Variants in MYO18B observed in about 807,000 individuals in gnomAD.
MYO18B encodes myosin XVIIIB, also known as unconventional myosin-XVIIIb.
Under a neutral mutation model 273.0 loss-of-function variants are expected in MYO18B, and 204 were observed. The observed-to-expected ratio is 0.75, with a 90% CI of 0.67 to 0.84. The LOEUF (loss-of-function observed/expected upper bound fraction) is 0.84. MYO18B is among the 40% of genes least tolerant of loss of function. MYO18B has a pLI of 0.00. For synonymous variants in MYO18B, 1,330 were observed against 1,305.7 expected (o/e 1.02, Z -0.40); for missense variants, 3,212 against 3,287.6 (o/e 0.98, Z 0.56).
intron 33 of MYO18B, among the ~76,000 whole-genome samples, chr22:25,913,158 ATATCGCTCAGAT>A (rs2092191872): frequency 6.6e-6 from 1 of 152,162 alleles, no homozygotes; most frequent in Admixed American, 6.5e-5. Flanking sequence ...GAATTATTAA[ATATCGCTCAGAT>A]TATTCCCCAA....
At chr22:25,770,833 C>T in intron 5 of MYO18B, 39 bp from the exon 6 acceptor site, 1 of 1,456,362 alleles carries the variant, frequency 6.9e-7, no homozygotes, top group Admixed American at 2.0e-5. Flanking sequence ...CCTCCCATCT[C>T]CTCCCCGTTC....
intron 12 of MYO18B, among the ~76,000 whole-genome samples, chr22:25,802,777 C>A (rs6004769): frequency 0.013 from 1,839 of 137,658 alleles, 54 homozygotes; most frequent in East Asian, 0.08. Flanking sequence ...AAAAAAAAAA[C>A]CCCTATAGCC....
intron 42 of MYO18B, among the ~76,000 whole-genome samples, chr22:26,020,440 T>G (rs529076105): frequency 1.2e-4 from 19 of 152,294 alleles, no homozygotes; most frequent in African/African-American, 4.6e-4. Context: ...CTGTTCACAG[T>G]AGGCTCATAC....
At chr22:25,875,639 CACCT>C (rs2091171065) in intron 23 of MYO18B, among the ~76,000 whole-genome samples, 1 of 152,216 alleles carries the variant, frequency 6.6e-6, no homozygotes, top group Non-Finnish European at 1.5e-5. Flanking sequence ...GCTGAATCAG[CACCT>C]TTGGGGGTGG....
At chr22:25,865,341 A>G (rs1023037586) in intron 21 of MYO18B, among the ~76,000 whole-genome samples, 1 of 152,228 alleles carries the variant, frequency 6.6e-6, no homozygotes, top group Non-Finnish European at 1.5e-5. Flanking sequence ...TCTCAGCTAC[A>G]TAGACATCTA....
chr22:25,819,374 G>A (rs1471734526), intron 12 of MYO18B, among the ~76,000 whole-genome samples: 1 of 152,210 alleles, frequency 6.6e-6, no homozygotes, highest in Non-Finnish European at 1.5e-5. Context: ...AGTGTTTAGA[G>A]AGCAGGCATG....
At chr22:25,817,579 T>G (rs1401277392) in intron 12 of MYO18B, among the ~76,000 whole-genome samples, 3 of 152,064 alleles carry the variant, frequency 2.0e-5, no homozygotes, top group African/African-American at 4.8e-5. Context: ...GGTGAGGCAG[T>G]TTGCCTGGGG....
chr22:25,859,374 G>A (rs576986397), intron 21 of MYO18B, among the ~76,000 whole-genome samples: 1 of 152,178 alleles, frequency 6.6e-6, no homozygotes, highest in South Asian at 2.1e-4. Context: ...CTTTTTTTGG[G>A]TGCATTCTTG....
chr22:25,984,457 G>T (rs900049403), intron 39 of MYO18B, among the ~76,000 whole-genome samples: 15 of 152,110 alleles, frequency 9.9e-5, no homozygotes, highest in African/African-American at 3.1e-4. Flanking sequence ...CTTCTTTGAG[G>T]ATTTGAATAC....
Position 25,781,716 on chromosome 22 carries a change from C to CCT in MYO18B, c.2212-15_2212-14dup. The CCT allele has an allele frequency of 6.7e-7, 1 of 1,498,668 alleles. No individual in the cohort carries two copies. Among genetic ancestry groups the CCT allele is most frequent in the South Asian group, 1.4e-5 (1 of 72,060 alleles). The allele number at this position is 1,498,668 out of a possible 1,614,324, so 92.8% of individuals were successfully genotyped here. A position where few individuals can be genotyped will look rare whatever the true frequency, so the allele number is the denominator to read the frequency against. ...GTACCCAAAGCACTGACTGGGTGCC[C>CCT]CTCTTCTCTCCCTGCAGACAATGCT... is the stretch of plus-strand genomic sequence containing the variant. On this transcript the variant is annotated splice_polypyrimidine_tract_variant and intron_variant, in intron 9 of 43. Transcript: ENST00000335473.
downstream of MYO18B, among the ~76,000 whole-genome samples, chr22:26,032,524 T>TTC (rs1172310042): frequency 1.3e-5 from 2 of 150,498 alleles, no homozygotes; most frequent in African/African-American, 4.9e-5. Context: ...CCTGTTTTTT[T>TTC]TTTTTTTTTT....
chr22:25,871,768 A>G (rs950868825), intron 22 of MYO18B, among the ~76,000 whole-genome samples: 2 of 152,154 alleles, frequency 1.3e-5, no homozygotes, highest in Non-Finnish European at 2.9e-5. Flanking sequence ...CTGGTCGGCA[A>G]TATGCTCTTA....
intron 20 of MYO18B, 105 bp downstream of exon 20, chr22:25,847,757 C>G: frequency 1.3e-6 from 1 of 780,354 alleles, no homozygotes; most frequent in Non-Finnish European, 2.1e-6. Flanking sequence ...CTAGGAGCTT[C>G]ACACCCAGCA....
At chr22:25,939,286 G>A (rs2092616344) in intron 34 of MYO18B, among the ~76,000 whole-genome samples, 1 of 152,240 alleles carries the variant, frequency 6.6e-6, no homozygotes, top group Non-Finnish European at 1.5e-5. Context: ...GGCTAGGACT[G>A]CCTTCAGGTT....
chr22:25,928,533 C>A (rs1033892771), intron 34 of MYO18B, among the ~76,000 whole-genome samples: 3 of 152,032 alleles, frequency 2.0e-5, no homozygotes, highest in African/African-American at 7.3e-5. Context: ...TGGGCAGGCA[C>A]CCCCTCTGTT....
intron 12 of MYO18B, among the ~76,000 whole-genome samples, chr22:25,802,417 T>TAACTC (rs2088243162): frequency 6.6e-6 from 1 of 152,070 alleles, no homozygotes; most frequent in Admixed American, 6.5e-5. Flanking sequence ...TATTGGCAAT[T>TAACTC]AACTCAATCT....
intron 11 of MYO18B, among the ~76,000 whole-genome samples, chr22:25,790,806 T>C (rs925668908): frequency 3.3e-5 from 5 of 152,162 alleles, no homozygotes; most frequent in African/African-American, 7.2e-5. Context: ...GACCCACTCC[T>C]TGGGTCCTGG....
chr22:25,794,100 A>T (rs113744917), intron 11 of MYO18B, among the ~76,000 whole-genome samples: 4,364 of 151,964 alleles, frequency 0.029, 188 homozygotes, highest in African/African-American at 0.098. Context: ...CGCCAGGCTA[A>T]TTTTTTGTAT....
intron 1 of MYO18B, among the ~76,000 whole-genome samples, chr22:25,759,474 A>G (rs2086233444): frequency 6.6e-6 from 1 of 152,106 alleles, no homozygotes; most frequent in African/African-American, 2.4e-5. Flanking sequence ...AACAATGAGA[A>G]CACATGGACA....
Sources: allele counts gnomAD v4.1 joint callset (sites outside exome capture counted in the v4.1 genomes callset), GRCh38; gene constraint gnomAD v4.1.1; transcripts MANE v1.5; gene names NCBI Gene and HGNC (gene_info 2026-07-23, HGNC 2026-07-21).